RUNX2: variants seen among roughly 807,000 people sequenced by gnomAD.
RUNX2 encodes RUNX family transcription factor 2, also known as runt-related transcription factor 2.
In RUNX2, 10 loss-of-function variants were observed where a neutral mutation model predicts 51.7. That is an observed-to-expected ratio of 0.19 (90% CI 0.12 to 0.33). The LOEUF is 0.33. Among genes scored for constraint, RUNX2 ranks in the 10% least tolerant of loss-of-function variants. RUNX2 has a pLI of 1.00. For missense variants in RUNX2, 562 were observed against 691.3 expected (o/e 0.81, Z 2.10); for synonymous variants, 276 against 273.6 (o/e 1.01, Z -0.09).
chr6:45,466,227 C>T (rs745418658), intron 5 of RUNX2, among the ~76,000 whole-genome samples: 56 of 151,792 alleles, frequency 3.7e-4, no homozygotes, highest in Non-Finnish European at 6.3e-4. Context: ...GCAGGAGAAT[C>T]GCTTGAACCA....
chr6:45,380,943 G>A (rs545445650), intron 2 of RUNX2, among the ~76,000 whole-genome samples: 2 of 152,220 alleles, frequency 1.3e-5, no homozygotes, highest in South Asian at 4.1e-4. Flanking sequence ...TTTGTTGTTT[G>A]AGATTCATAA....
chr6:45,415,492 C>T (rs1798049376), intron 2 of RUNX2, among the ~76,000 whole-genome samples: 1 of 152,090 alleles, frequency 6.6e-6, no homozygotes, highest in Non-Finnish European at 1.5e-5. Flanking sequence ...GGAGTTGCCT[C>T]ACCAGAGCCA....
intron 7 of RUNX2, among the ~76,000 whole-genome samples, chr6:45,544,884 T>C (rs900742724): frequency 6.6e-6 from 1 of 152,232 alleles, no homozygotes; most frequent in African/African-American, 2.4e-5. Context: ...TTTCCACATT[T>C]TTAAATTTAA....
intron 5 of RUNX2, among the ~76,000 whole-genome samples, chr6:45,488,115 A>G (rs185849053): frequency 9.3e-4 from 141 of 152,308 alleles, no homozygotes; most frequent in African/African-American, 3.2e-3. Context: ...GAGAAATGCT[A>G]GAGTCTTAGG....
At chr6:45,524,509 G>A (rs919111012) in intron 7 of RUNX2, among the ~76,000 whole-genome samples, 1 of 152,144 alleles carries the variant, frequency 6.6e-6, no homozygotes, top group African/African-American at 2.4e-5. Context: ...GTGGTAATTA[G>A]TAACAATGCT....
chr6:45,488,582 A>C (rs1800354773), intron 5 of RUNX2, among the ~76,000 whole-genome samples: 1 of 152,174 alleles, frequency 6.6e-6, no homozygotes, highest in African/African-American at 2.4e-5. Flanking sequence ...GAAATCTTGA[A>C]TAAAAGAGAC....
At chr6:45,410,356 G>A (rs1342176640) in intron 2 of RUNX2, among the ~76,000 whole-genome samples, 24 of 152,148 alleles carry the variant, frequency 1.6e-4, no homozygotes, top group Non-Finnish European at 1.5e-5. Context: ...AAAGAAAATA[G>A]ATATGAATAA....
chr6:45,494,212 T>C (rs571946968), intron 6 of RUNX2, among the ~76,000 whole-genome samples: 11 of 152,302 alleles, frequency 7.2e-5, no homozygotes, highest in African/African-American at 2.2e-4. Context: ...GTGCCACAAA[T>C]GCATCTGAGC....
chr6:45,473,532 C>G (rs1799868136), intron 5 of RUNX2, among the ~76,000 whole-genome samples: 1 of 152,288 alleles, frequency 6.6e-6, no homozygotes, highest in East Asian at 1.9e-4. Context: ...TGCTTGACGA[C>G]AGGTGCTAAT....
rs1365004518 is a variant in RUNX2, at chr6:45,471,435, T to TTTTC, written c.686-20494_686-20491dup. Among the ~76,000 whole-genome samples the TTTTC allele has an allele frequency of 2.0e-5, 3 of 151,608 alleles. No homozygotes were observed. In the East Asian group the frequency reaches 5.8e-4, roughly 29 times the overall value. On this transcript the variant is annotated intron_variant, in intron 5 of 8. Transcript: ENST00000647337. ...GTACCTACATCCCTCGCCCCAGACA[T>TTTTC]TTTCTTTCTTTCTTTTTTTTTTTTT... is the stretch of plus-strand genomic sequence containing the variant.
intron 4 of RUNX2, among the ~76,000 whole-genome samples, chr6:45,437,190 G>A (rs1412738982): frequency 6.6e-6 from 1 of 152,190 alleles, no homozygotes; most frequent in Non-Finnish European, 1.5e-5. Context: ...AGCATCAGAT[G>A]TAATATTTCA....
intron 2 of RUNX2, among the ~76,000 whole-genome samples, chr6:45,401,618 C>T (rs1202057304): frequency 1.3e-5 from 2 of 152,220 alleles, no homozygotes; most frequent in South Asian, 4.1e-4. Flanking sequence ...ATAATGCAGG[C>T]TTTCAAAACT....
chr6:45,362,607 T>C (rs1794453692), intron 2 of RUNX2, among the ~76,000 whole-genome samples: 1 of 152,168 alleles, frequency 6.6e-6, no homozygotes, highest in East Asian at 1.9e-4. Flanking sequence ...ATTTCCCTGT[T>C]CTATAAAGAA....
At chr6:45,416,847 G>A (rs1798077902) in intron 2 of RUNX2, among the ~76,000 whole-genome samples, 1 of 152,204 alleles carries the variant, frequency 6.6e-6, no homozygotes, top group Non-Finnish European at 1.5e-5. Context: ...CATATGGCAA[G>A]TGTCAGCCTT....
chr6:45,402,654 G>T (rs1797738124), intron 2 of RUNX2, among the ~76,000 whole-genome samples: 1 of 152,090 alleles, frequency 6.6e-6, no homozygotes, highest in South Asian at 2.1e-4. Flanking sequence ...ATTGCTTGAG[G>T]CCGGGAGTTC....
intron 6 of RUNX2, among the ~76,000 whole-genome samples, chr6:45,496,946 A>T (rs1294145605): frequency 1.3e-5 from 2 of 152,090 alleles, no homozygotes; most frequent in Non-Finnish European, 2.9e-5. Flanking sequence ...GTGAAGGGAA[A>T]ACAGGACTTC....
At chr6:45,526,517 T>C (rs1801678758) in intron 7 of RUNX2, among the ~76,000 whole-genome samples, 1 of 152,212 alleles carries the variant, frequency 6.6e-6, no homozygotes, top group Non-Finnish European at 1.5e-5. Context: ...ATTAGATCTA[T>C]TTAAAGAAAA....
chr6:45,443,866 T>C (rs1265090843), intron 5 of RUNX2, among the ~76,000 whole-genome samples: 1 of 152,174 alleles, frequency 6.6e-6, no homozygotes, highest in Admixed American at 6.5e-5. Flanking sequence ...ATTAGAGGTT[T>C]TTTTTCAATT....
At chr6:45,475,439 A>G (rs2819865) in intron 5 of RUNX2, among the ~76,000 whole-genome samples, 116,183 of 152,094 alleles carry the variant, frequency 0.76, 45,095 homozygotes, top group East Asian at 0.96. Context: ...TCACTGTCTT[A>G]TCCCTGGCTC....
Sources: allele counts gnomAD v4.1 joint callset (sites outside exome capture counted in the v4.1 genomes callset), GRCh38; gene constraint gnomAD v4.1.1; transcripts MANE v1.5; gene names NCBI Gene and HGNC (gene_info 2026-07-23, HGNC 2026-07-21).